VPS53: variants seen among roughly 807,000 people sequenced by gnomAD.
The protein encoded by VPS53 is VPS53 subunit of GARP complex.
A neutral mutation model predicts 107.0 loss-of-function variants in VPS53; 70 were observed. The observed-to-expected ratio is 0.65, with a 90% CI of 0.54 to 0.80. VPS53 has a LOEUF of 0.80. Ranked by LOEUF, VPS53 falls within the 30% of genes least tolerant of loss-of-function variation. The probability of loss-of-function intolerance (pLI) is 0.00; values close to 1 mark genes in which losing one functional copy is unlikely to be tolerated. For synonymous variants in VPS53, 409 were observed against 393.3 expected, an observed-to-expected ratio of 1.04 and a Z score of -0.47; for missense variants, 917 against 1,049.4, an observed-to-expected ratio of 0.87 and a Z score of 1.74.
chr17:685,351 A>G (rs1261787791), intron 4 of VPS53, among the ~76,000 whole-genome samples: 1 of 152,214 alleles, frequency 6.6e-6, no homozygotes, highest in Non-Finnish European at 1.5e-5. Context: ...GGATGGTTCA[A>G]CACAGAATTT....
At chr17:688,587 G>A (rs552044720) in intron 4 of VPS53, among the ~76,000 whole-genome samples, 11 of 152,128 alleles carry the variant, frequency 7.2e-5, no homozygotes, top group East Asian at 1.9e-4. Flanking sequence ...ATGAGTCCCC[G>A]CCTCAACTAC....
At chr17:663,786 C>A (rs1971568741) in intron 4 of VPS53, among the ~76,000 whole-genome samples, 1 of 152,036 alleles carries the variant, frequency 6.6e-6, no homozygotes, top group Non-Finnish European at 1.5e-5. Flanking sequence ...CTCCCATATA[C>A]CAGGCATGAT....
At chr17:655,297 A>G (rs1267195447) in intron 6 of VPS53, among the ~76,000 whole-genome samples, 2 of 58,500 alleles carry the variant, frequency 3.4e-5, no homozygotes, top group African/African-American at 1.3e-4. Flanking sequence ...TCTACAAGCC[A>G]AACGGAAATC....
rs1971520901 is a variant in VPS53 at position 662,853 on chromosome 17, G to GGAAGGAAC, written c.286-959_286-958insGTTCCTTC. On this transcript the variant is annotated intron_variant, in intron 4 of 21. Coordinates refer to ENST00000437048, the MANE Select transcript of VPS53 (RefSeq NM_001128159.3). ...AGAAAGAAAGGAAGGAAGGAAGGAA[G>GGAAGGAAC]GAAGGAAGGAAGGAAGGAACGAAGG... is the stretch of plus-strand genomic sequence containing the variant. Among the ~76,000 whole-genome samples, 54 of 90,536 alleles carry GGAAGGAAC rather than the reference G, an allele frequency of 6.0e-4. No individual in the cohort carries two copies. The East Asian group carries it at 8.8e-3, about 15-fold the overall frequency. 59.4% of individuals were successfully genotyped at this position (90,536 alleles called of 152,430 possible).
At chr17:618,689 G>T (rs977435733) in intron 11 of VPS53, among the ~76,000 whole-genome samples, 1 of 149,740 alleles carries the variant, frequency 6.7e-6, no homozygotes, top group African/African-American at 2.5e-5. Flanking sequence ...TGGGACTACA[G>T]GCATGCACCA....
At chr17:610,693 A>G (rs984364522) in intron 11 of VPS53, among the ~76,000 whole-genome samples, 4 of 151,318 alleles carry the variant, frequency 2.6e-5, no homozygotes, top group African/African-American at 9.7e-5. Context: ...AGGCGGGTGG[A>G]TCACTTGAGG....
At chr17:670,058 G>A (rs1227028) in intron 4 of VPS53, among the ~76,000 whole-genome samples, 58,735 of 151,994 alleles carry the variant, frequency 0.39, 13,526 homozygotes, top group Non-Finnish European at 0.52. Context: ...TACAGCTTAC[G>A]TCTAAAGGTG....
intron 12 of VPS53, among the ~76,000 whole-genome samples, chr17:587,396 A>C (rs1373333974): frequency 2.0e-5 from 3 of 152,228 alleles, no homozygotes; most frequent in East Asian, 1.9e-4. Flanking sequence ...AAATTTTATA[A>C]GAATAAAATA....
chr17:591,503 C>G (rs1266169476), intron 12 of VPS53, among the ~76,000 whole-genome samples: 1 of 152,088 alleles, frequency 6.6e-6, no homozygotes, highest in Non-Finnish European at 1.5e-5. Context: ...CCTGCTTTCT[C>G]TTGTGGGCAT....
At chr17:689,505 A>C (rs1972705618) in intron 4 of VPS53, among the ~76,000 whole-genome samples, 2 of 126,138 alleles carry the variant, frequency 1.6e-5, no homozygotes, top group Admixed American at 1.0e-4. Context: ...ATGGAGTCTC[A>C]CTCTGTCACC....
chr17:530,260 TCTC>T (rs1246237075), intron 19 of VPS53, among the ~76,000 whole-genome samples: 2 of 151,406 alleles, frequency 1.3e-5, no homozygotes, highest in African/African-American at 4.9e-5. Flanking sequence ...TTCAAGCAAT[TCTC>T]CTGCCTCAGC....
chr17:608,737 T>G (rs1408545481), intron 11 of VPS53, among the ~76,000 whole-genome samples: 1 of 151,546 alleles, frequency 6.6e-6, no homozygotes, highest in Non-Finnish European at 1.5e-5. Flanking sequence ...CACCTCAGCC[T>G]CCTGAGTAGC....
chr17:674,090 C>T (rs1972065153), intron 4 of VPS53: 1 of 152,118 alleles, frequency 6.6e-6, no homozygotes, highest in Admixed American at 6.6e-5. Context: ...GAAAGGTAAC[C>T]CCGGAGGATG....
intron 19 of VPS53, among the ~76,000 whole-genome samples, chr17:529,389 C>T (rs1909352982): frequency 1.0e-5 from 1 of 99,026 alleles, no homozygotes; most frequent in South Asian, 3.4e-4. Flanking sequence ...TCAATTCACA[C>T]ACACACACTC....
intron 11 of VPS53, among the ~76,000 whole-genome samples, chr17:622,181 C>T (rs958270740): frequency 2.0e-5 from 3 of 151,902 alleles, no homozygotes; most frequent in Non-Finnish European, 4.4e-5. Flanking sequence ...CACTGCACTC[C>T]AGCCTGCTGA....
chr17:665,266 G>A (rs1472061096), intron 4 of VPS53, among the ~76,000 whole-genome samples: 5 of 152,124 alleles, frequency 3.3e-5, no homozygotes, highest in African/African-American at 7.2e-5. Flanking sequence ...GAAGGCCCTC[G>A]CCGCAGGACG....
At chr17:643,312 C>T (rs147397691) in intron 7 of VPS53, among the ~76,000 whole-genome samples, 20 of 84,804 alleles carry the variant, frequency 2.4e-4, no homozygotes, top group South Asian at 4.8e-4. Context: ...TACTGGGAAA[C>T]CGAGGACAAC....
chr17:564,784 G>T (rs988020588), intron 13 of VPS53, among the ~76,000 whole-genome samples: 29 of 152,106 alleles, frequency 1.9e-4, no homozygotes, highest in African/African-American at 6.8e-4. Context: ...CCACAGTGGG[G>T]ATGAGAGTTG....
At position 699,320 on chromosome 17, in the gene VPS53, G is replaced by A. The variant is rs369647579; in HGVS notation, c.218+11C>T. On this transcript the variant is annotated intron_variant, in intron 3 of 21. Transcript: ENST00000437048. ...TTCATTAATTATGAACAATCACACA[G>A]CTTTACTCACCTTATTTTCAGCCTA... is the stretch of plus-strand genomic sequence containing the variant. 2 of 1,565,336 alleles carry A rather than the reference G, an allele frequency of 1.3e-6. No individual in the cohort carries two copies. The highest frequency in any genetic ancestry group is 2.8e-5 in the African/African-American group (2 of 71,894).
Sources: allele counts gnomAD v4.1 joint callset (sites outside exome capture counted in the v4.1 genomes callset), GRCh38; gene constraint gnomAD v4.1.1; transcripts MANE v1.5; gene names NCBI Gene and HGNC (gene_info 2026-07-23, HGNC 2026-07-21).